The following IMMP2L variants were observed in gnomAD, a reference collection of about 807,000 sequenced individuals.
The protein encoded by IMMP2L is mitochondrial inner membrane protease subunit 2.
IMMP2L carries 18 observed loss-of-function variants against 19.3 expected under a neutral mutation model. The ratio of observed to expected loss-of-function variants is 0.93; its 90% CI spans 0.64 to 1.38. The LOEUF (loss-of-function observed/expected upper bound fraction) is 1.38, where lower values mean the gene tolerates loss of function less well. Among genes scored for constraint, IMMP2L ranks in the 40% most tolerant of loss-of-function variants. The pLI is 0.00. For synonymous variants in IMMP2L, 76 were observed against 73.0 expected, an observed-to-expected ratio of 1.04 and a Z score of -0.21; for missense variants, 233 against 218.2, an observed-to-expected ratio of 1.07 and a Z score of -0.43.
intron 3 of IMMP2L, among the ~76,000 whole-genome samples, chr7:111,301,867 G>C: frequency 7.2e-6 from 1 of 138,350 alleles, no homozygotes; most frequent in South Asian, 2.3e-4. Context: ...CTATACAGTA[G>C]GTCTTATCAA....
chr7:111,322,685 G>A (rs142293092), intron 3 of IMMP2L, among the ~76,000 whole-genome samples: 5 of 151,480 alleles, frequency 3.3e-5, no homozygotes, highest in Admixed American at 1.3e-4. Context: ...AGATCACGAC[G>A]CAAAATCTCC....
chr7:111,470,705 C>G (rs1718783407), intron 3 of IMMP2L, among the ~76,000 whole-genome samples: 1 of 124,568 alleles, frequency 8.0e-6, no homozygotes, highest in African/African-American at 3.1e-5. Flanking sequence ...AGGGGAACAT[C>G]ACACTCTGGG....
intron 5 of IMMP2L, among the ~76,000 whole-genome samples, chr7:110,671,680 C>T (rs1247717971): frequency 1.3e-5 from 2 of 152,084 alleles, no homozygotes; most frequent in Non-Finnish European, 2.9e-5. Flanking sequence ...TTTGTTCCCT[C>T]CCCTCCCTTT....
intron 5 of IMMP2L, among the ~76,000 whole-genome samples, chr7:110,781,502 A>T (rs1213910627): frequency 6.6e-6 from 1 of 151,778 alleles, no homozygotes; most frequent in Non-Finnish European, 1.5e-5. Flanking sequence ...TGGTATTCTT[A>T]TTTTTTTCAT....
intron 5 of IMMP2L, among the ~76,000 whole-genome samples, chr7:110,834,817 A>G (rs1804290108): frequency 6.6e-6 from 1 of 152,228 alleles, no homozygotes; most frequent in East Asian, 1.9e-4. Context: ...AGAAGAGATT[A>G]CAGTTGGCAG....
At chr7:111,161,498 T>C (rs562823841) in intron 3 of IMMP2L, among the ~76,000 whole-genome samples, 12 of 152,010 alleles carry the variant, frequency 7.9e-5, no homozygotes, top group African/African-American at 2.9e-4. Flanking sequence ...TCTCAATAGA[T>C]ATAGAAAAAA....
intron 3 of IMMP2L, among the ~76,000 whole-genome samples, chr7:111,139,655 T>C (rs2129597676): frequency 6.6e-6 from 1 of 152,286 alleles, no homozygotes; most frequent in Non-Finnish European, 1.5e-5. Flanking sequence ...AAAGTTGTTC[T>C]TTTTGTAACA....
chr7:110,815,557 G>A (rs541640249), intron 5 of IMMP2L, among the ~76,000 whole-genome samples: 7,570 of 151,804 alleles, frequency 0.05, 631 homozygotes, highest in African/African-American at 0.17. Context: ...GCTCCTCCTT[G>A]TACCTCTGGT....
chr7:111,098,022 C>T (rs1415615264), intron 3 of IMMP2L, among the ~76,000 whole-genome samples: 3 of 151,680 alleles, frequency 2.0e-5, no homozygotes, highest in Admixed American at 2.0e-4. Flanking sequence ...GAAAGTGCAA[C>T]AGAACAGAAT....
chr7:110,757,122 TGTTA>T lies in IMMP2L; in HGVS notation c.409-93405_409-93402del, dbSNP rs1217314898. ...AATAAATAAGTTAAATGATATAGCATGTTAGTTAGATTGAAATACGCGTAATGGA... is the reference window on the plus strand; with the variant it reads ...AATAAATAAGTTAAATGATATAGCATGTTAGATTGAAATACGCGTAATGGA... On this transcript the variant is annotated intron_variant, in intron 5 of 5. Coordinates refer to ENST00000405709, the MANE Select transcript of IMMP2L (RefSeq NM_032549.4). The surrounding 1 kb of genome is among the most constrained non-coding windows in gnomAD (Gnocchi z 4.2). Among the ~76,000 whole-genome samples the T allele has an allele frequency of 6.6e-6, 1 of 151,866 alleles. No homozygotes were observed. The highest frequency in any genetic ancestry group is 1.5e-5 in the Non-Finnish European group (1 of 67,944).
intron 3 of IMMP2L, among the ~76,000 whole-genome samples, chr7:111,406,945 T>C (rs1471103284): frequency 6.6e-6 from 1 of 152,040 alleles, no homozygotes; most frequent in Non-Finnish European, 1.5e-5. Flanking sequence ...GCAGTGGGTA[T>C]AGTTTTTGAA....
intron 3 of IMMP2L, among the ~76,000 whole-genome samples, chr7:111,433,708 A>G (rs945010581): frequency 6.6e-6 from 1 of 151,784 alleles, no homozygotes; most frequent in African/African-American, 2.4e-5. Flanking sequence ...ATTATAATTC[A>G]AGGTGAGATT....
At chr7:111,475,491 A>G (rs1366606865) in intron 3 of IMMP2L, among the ~76,000 whole-genome samples, 3 of 152,088 alleles carry the variant, frequency 2.0e-5, no homozygotes, top group African/African-American at 7.2e-5. Context: ...AGTTTAGTTT[A>G]GAGATTTCTT....
At chr7:111,482,404 T>G (rs552197652) in intron 3 of IMMP2L, among the ~76,000 whole-genome samples, 1 of 152,282 alleles carries the variant, frequency 6.6e-6, no homozygotes, top group South Asian at 2.1e-4. Flanking sequence ...ACTATAGAAC[T>G]GAACACTGGC....
intron 3 of IMMP2L, among the ~76,000 whole-genome samples, chr7:111,021,123 TAG>T (rs1826230430): frequency 6.6e-6 from 1 of 152,168 alleles, no homozygotes; most frequent in Non-Finnish European, 1.5e-5. Context: ...CTGCTCAATA[TAG>T]AGAGTGGGTG....
intron 3 of IMMP2L, among the ~76,000 whole-genome samples, chr7:111,486,689 C>T (rs551314302): frequency 4.6e-5 from 7 of 152,246 alleles, no homozygotes; most frequent in African/African-American, 1.4e-4. Flanking sequence ...TCCTTTTCTA[C>T]ATTAAGACTG....
intron 5 of IMMP2L, among the ~76,000 whole-genome samples, chr7:110,804,989 T>C (rs1267391177): frequency 2.0e-5 from 3 of 152,076 alleles, no homozygotes; most frequent in South Asian, 2.1e-4. Flanking sequence ...TGAAATTAAA[T>C]AAGGAAATAA....
At chr7:110,985,193 A>G (rs1821730238) in intron 3 of IMMP2L, among the ~76,000 whole-genome samples, 1 of 152,128 alleles carries the variant, frequency 6.6e-6, no homozygotes, top group African/African-American at 2.4e-5. Context: ...AATTTAGCCC[A>G]CTGAGACCTT....
At chr7:111,478,458 C>A (rs2396357) in intron 3 of IMMP2L, among the ~76,000 whole-genome samples, 66,621 of 151,758 alleles carry the variant, frequency 0.44, 15,052 homozygotes, top group Non-Finnish European at 0.5. Context: ...GTGGTTAGAC[C>A]ATAGCTCACT....
Sources: allele counts gnomAD v4.1 joint callset (sites outside exome capture counted in the v4.1 genomes callset), GRCh38; gene constraint gnomAD v4.1.1; non-coding constraint Gnocchi (gnomAD v3.1); transcripts MANE v1.5; gene names NCBI Gene and HGNC (gene_info 2026-07-23, HGNC 2026-07-21).